GBA1: variants seen among roughly 807,000 people sequenced by gnomAD.
The protein encoded by GBA1 is lysosomal acid glucosylceramidase.
chr1:155,243,408 C>G, the GBA1 span, among the ~76,000 whole-genome samples: 1 of 152,092 alleles, frequency 6.6e-6, no homozygotes, highest in Admixed American at 6.6e-5. Context: ...GTCCAAACAT[C>G]TCCTTCCACT....
chr1:155,241,661 A>G, the GBA1 span, among the ~76,000 whole-genome samples: 1 of 152,206 alleles, frequency 6.6e-6, no homozygotes, highest in Non-Finnish European at 1.5e-5. Flanking sequence ...TTTACAGATA[A>G]AGACAGAAAC....
chr1:155,242,149 C>T, the GBA1 span, among the ~76,000 whole-genome samples: 1 of 152,208 alleles, frequency 6.6e-6, no homozygotes, highest in African/African-American at 2.4e-5. Flanking sequence ...GTGGTTACTG[C>T]AGTCAGTGAG....
At chr1:155,238,048 G>A in the GBA1 span, 1 of 1,411,002 alleles carries the variant, frequency 7.1e-7, no homozygotes, top group Non-Finnish European at 1.0e-6. Context: ...AGATCTGGAA[G>A]TGGAACTAGG....
chr1:155,239,676 T>G, the GBA1 span: 1 of 1,614,018 alleles, frequency 6.2e-7, no homozygotes, highest in Non-Finnish European at 8.5e-7. Context: ...AGGGCAAGGA[T>G]GTTGAGAGCA....
chr1:155,242,513 C>A, the GBA1 span, among the ~76,000 whole-genome samples: 1 of 152,048 alleles, frequency 6.6e-6, no homozygotes, highest in African/African-American at 2.4e-5. Flanking sequence ...TGAGCCACTG[C>A]GCTGGACCCC....
At chr1:155,240,272 T>C in the GBA1 span, 1 of 614,522 alleles carries the variant, frequency 1.6e-6, no homozygotes, top group African/African-American at 1.8e-5. Flanking sequence ...GAGACCTGCC[T>C]TGCCAGCATG....
At chr1:155,237,105 A>T in the GBA1 span, among the ~76,000 whole-genome samples, 1 of 151,916 alleles carries the variant, frequency 6.6e-6, no homozygotes, top group Non-Finnish European at 1.5e-5. Context: ...TCCTGACCTC[A>T]GGTGATCACC....
the GBA1 span, chr1:155,236,559 G>C: frequency 9.7e-7 from 1 of 1,026,780 alleles, no homozygotes; most frequent in South Asian, 1.3e-5. Context: ...GTTGGGTGAC[G>C]GGAAGAATGC....
the GBA1 span, among the ~76,000 whole-genome samples, chr1:155,241,551 A>G: frequency 7.0e-4 from 106 of 152,346 alleles, no homozygotes; most frequent in African/African-American, 2.5e-3. Flanking sequence ...TAATTTAAAA[A>G]AAAAAACTTC....
At chr1:155,243,118 G>T in the GBA1 span, among the ~76,000 whole-genome samples, 1 of 152,212 alleles carries the variant, frequency 6.6e-6, no homozygotes, top group South Asian at 2.1e-4. Context: ...TCAGGCCTCT[G>T]TTCCTGGAGT....
the GBA1 span, chr1:155,241,377 T>C: frequency 1.7e-6 from 1 of 572,066 alleles, no homozygotes; most frequent in Non-Finnish European, 3.2e-6. Flanking sequence ...ATATGCCCTA[T>C]AAAACTCTGG....
chr1:155,240,912 G>T, the GBA1 span, among the ~76,000 whole-genome samples: 1 of 152,056 alleles, frequency 6.6e-6, no homozygotes, highest in Non-Finnish European at 1.5e-5. Context: ...CCCAAATCAG[G>T]ATGCTCCCCA....
the GBA1 span, chr1:155,236,308 CCAGAACTT>C: frequency 6.2e-7 from 1 of 1,614,190 alleles, no homozygotes; most frequent in Non-Finnish European, 8.5e-7. Context: ...CACTCTGCTC[CCAGAACTT>C]GGAGCCCACA....
the GBA1 span, chr1:155,240,997 G>A: frequency 7.9e-7 from 1 of 1,265,064 alleles, no homozygotes. Flanking sequence ...GATGGCCCTG[G>A]ATTCAAAGAG....
chr1:155,237,725 A>G, the GBA1 span: 1 of 1,514,904 alleles, frequency 6.6e-7, no homozygotes. Flanking sequence ...AGCCTGGCGA[A>G]ACCCCGTCTC....
chr1:155,236,429 A>C, the GBA1 span: 1 of 1,614,188 alleles, frequency 6.2e-7, no homozygotes, highest in Middle Eastern at 1.6e-4. Context: ...ATGTACAGCA[A>C]TGCCATGAAC....
chr1:155,235,359 A>G, the GBA1 span: 19 of 1,602,352 alleles, frequency 1.2e-5, no homozygotes, highest in Non-Finnish European at 1.6e-5. Flanking sequence ...ACCTCCCATG[A>G]AACCCTCATC....
At chr1:155,236,650 C>T in the GBA1 span, among the ~76,000 whole-genome samples, 2 of 151,944 alleles carry the variant, frequency 1.3e-5, no homozygotes, top group African/African-American at 2.4e-5. Context: ...TACAGTGGCG[C>T]AATCACGACT....
At chr1:155,240,331 G>T in the GBA1 span, 1 of 603,264 alleles carries the variant, frequency 1.7e-6, no homozygotes, top group Non-Finnish European at 2.9e-6. Flanking sequence ...GGGCGTAGTG[G>T]TGGCCGCCTG....
Sources: gnomAD v4.1 joint callset for allele counts (sites outside exome capture counted in the v4.1 genomes callset) on GRCh38, gnomAD v4.1.1 for gene constraint, MANE v1.5 for transcripts, NCBI Gene and HGNC (gene_info 2026-07-23, HGNC 2026-07-21) for gene names.